The following PIK3C2G variants were observed in gnomAD, a reference collection of about 807,000 sequenced individuals.
PIK3C2G encodes phosphatidylinositol 3-kinase C2 domain-containing subunit gamma.
In PIK3C2G, 168 loss-of-function variants were observed where a neutral mutation model predicts 181.1. The ratio of observed to expected loss-of-function variants is 0.93; its 90% CI spans 0.82 to 1.05. The LOEUF (loss-of-function observed/expected upper bound fraction) is 1.05. Among genes scored for constraint, PIK3C2G ranks in the 50% least tolerant of loss-of-function variants. The pLI is 0.00. For synonymous variants in PIK3C2G, 573 were observed against 592.2 expected, an observed-to-expected ratio of 0.97 and a Z score of 0.47; for missense variants, 1,869 against 1,732.8, an observed-to-expected ratio of 1.08 and a Z score of -1.40.
At position 18,647,988 on chromosome 12, in the gene PIK3C2G, A is replaced by G; in HGVS notation, c.4421A>G (p.Asp1474Gly). 3 of 1,597,828 alleles carry G rather than the reference A, an allele frequency of 1.9e-6. No individual in the cohort carries two copies. The highest frequency in any genetic ancestry group is 1.1e-5 in the South Asian group (1 of 88,780). Residue 1474 changes from aspartate (D) to glycine (G), a missense_variant, in exon 33 of 33, where the codon GAT becomes GGT. Asp to Gly is a moderately conservative substitution (Grantham distance 94). Coordinates refer to ENST00000538779, the MANE Select transcript of PIK3C2G (RefSeq NM_001288772.2). ...ATCCGACTCTGTAGTGTCCCACTCG[A>G]TAAAGAAAAATGGTATCCATTAGGA... ...INIRLCSVPL[D>G]KEKWYPLGNS... is the part of the protein sequence containing the mutation.
chr12:18,489,866 G>C (rs1940394876), intron 19 of PIK3C2G, among the ~76,000 whole-genome samples: 1 of 151,842 alleles, frequency 6.6e-6, no homozygotes, highest in African/African-American at 2.4e-5. Flanking sequence ...TGCTTTTTTT[G>C]ATCATTCGCT....
At chr12:18,409,956 C>T (rs1944762960) in intron 16 of PIK3C2G, among the ~76,000 whole-genome samples, 1 of 152,028 alleles carries the variant, frequency 6.6e-6, no homozygotes, top group African/African-American at 2.4e-5. Flanking sequence ...CTTTAAACAA[C>T]CGGATATCAT....
intron 11 of PIK3C2G, among the ~76,000 whole-genome samples, chr12:18,347,616 C>T (rs1167879677): frequency 6.6e-6 from 1 of 152,034 alleles, no homozygotes; most frequent in Non-Finnish European, 1.5e-5. Context: ...TCAAAACCAG[C>T]CTGGACAAAA....
chr12:18,572,131 ACTT>A, intron 29 of PIK3C2G, among the ~76,000 whole-genome samples: 1 of 141,052 alleles, frequency 7.1e-6, no homozygotes, highest in African/African-American at 2.9e-5. Context: ...TATTTAACCC[ACTT>A]GTGTCTTATA....
At chr12:18,254,302 G>A (rs1006815636) in intron 1 of PIK3C2G, among the ~76,000 whole-genome samples, 1 of 151,904 alleles carries the variant, frequency 6.6e-6, no homozygotes, top group Non-Finnish European at 1.5e-5. Flanking sequence ...CATTTCCAGA[G>A]GTCCATCTAT....
At chr12:18,701,112 G>A in the PIK3C2G span, among the ~76,000 whole-genome samples, 16 of 151,812 alleles carry the variant, frequency 1.1e-4, no homozygotes, top group African/African-American at 2.9e-4. Flanking sequence ...AGCGTCACAA[G>A]TAGTTGGAAC....
the PIK3C2G span, among the ~76,000 whole-genome samples, chr12:18,706,185 T>C: frequency 6.6e-6 from 1 of 151,412 alleles, no homozygotes; most frequent in East Asian, 1.9e-4. Context: ...TGAGCCGAGA[T>C]TGCACCATTG....
intron 18 of PIK3C2G, among the ~76,000 whole-genome samples, chr12:18,460,988 A>G (rs904482790): frequency 6.6e-6 from 1 of 151,964 alleles, no homozygotes; most frequent in Admixed American, 6.5e-5. Flanking sequence ...AATGCTCAAA[A>G]CAAATTCCGG....
chr12:18,659,625 C>T, the PIK3C2G span, among the ~76,000 whole-genome samples: 2 of 150,876 alleles, frequency 1.3e-5, no homozygotes, highest in Non-Finnish European at 2.9e-5. Context: ...ACGTGTCAGG[C>T]CTCTTAAGTC....
At chr12:18,701,122 C>A in the PIK3C2G span, among the ~76,000 whole-genome samples, 1 of 151,862 alleles carries the variant, frequency 6.6e-6, no homozygotes, top group Non-Finnish European at 1.5e-5. Flanking sequence ...GTAGTTGGAA[C>A]TACAGGCATG....
At chr12:18,281,952 G>A (rs1949238416) in intron 1 of PIK3C2G, 52 bp from the exon 2 acceptor site, 2 of 631,024 alleles carry the variant, frequency 3.2e-6, no homozygotes, top group East Asian at 5.5e-5. Context: ...TGTCTTACAA[G>A]CTCTTTTCTT....
At chr12:18,545,709 A>G (rs1039844651) in intron 25 of PIK3C2G, among the ~76,000 whole-genome samples, 1 of 151,914 alleles carries the variant, frequency 6.6e-6, no homozygotes, top group Non-Finnish European at 1.5e-5. Flanking sequence ...CCATTTAAGT[A>G]GGGAAAATTG....
the PIK3C2G span, chr12:18,699,973 T>A: frequency 6.3e-7 from 1 of 1,596,642 alleles, no homozygotes; most frequent in East Asian, 2.2e-5. Context: ...TGCAGTAATT[T>A]TACATTTTTA....
Position 18,445,419 on chromosome 12 carries a change from A to AT in PIK3C2G, c.2504+21382dup, listed in dbSNP as rs1379047473. On this transcript the variant is annotated intron_variant, in intron 18 of 32. Coordinates refer to ENST00000538779, the MANE Select transcript of PIK3C2G (RefSeq NM_001288772.2). ...GCTTTCACCTATCAGATTGGCAAAA[A>AT]TTAAAAAAAAAAATTGGTGGCAGCC... Among the ~76,000 whole-genome samples, 239 of 139,564 alleles carry AT rather than the reference A, an allele frequency of 1.7e-3. 2 individuals carry two copies. The highest frequency in any genetic ancestry group is 6.5e-3 in the African/African-American group (234 of 36,074). 91.6% of individuals were successfully genotyped at this position (139,564 alleles called of 152,430 possible). A position where few individuals can be genotyped will look rare whatever the true frequency, so the allele number is the denominator to read the frequency against.
chr12:18,452,373 A>G (rs756663734), intron 18 of PIK3C2G, among the ~76,000 whole-genome samples: 10 of 152,016 alleles, frequency 6.6e-5, no homozygotes, highest in Non-Finnish European at 1.3e-4. Context: ...TGTTTATAGT[A>G]TTCTCTGGTG....
chr12:18,542,879 T>G (rs1944235107), intron 25 of PIK3C2G, among the ~76,000 whole-genome samples: 1 of 151,932 alleles, frequency 6.6e-6, no homozygotes, highest in African/African-American at 2.4e-5. Context: ...TTTGTGTTCA[T>G]GTGTCTTTAC....
chr12:18,388,035 C>T (rs1398651029), intron 14 of PIK3C2G, among the ~76,000 whole-genome samples: 1 of 152,108 alleles, frequency 6.6e-6, no homozygotes, highest in Admixed American at 6.6e-5. Flanking sequence ...TTATCGTCAG[C>T]GTTAGGAAGA....
chr12:18,309,371 G>T (rs1950549429), intron 5 of PIK3C2G, among the ~76,000 whole-genome samples: 2 of 151,610 alleles, frequency 1.3e-5, no homozygotes, highest in South Asian at 4.2e-4. Flanking sequence ...TATAAGTATT[G>T]GTTAGCCAGC....
At chr12:18,532,449 T>G (rs1336425054) in intron 24 of PIK3C2G, among the ~76,000 whole-genome samples, 1 of 152,160 alleles carries the variant, frequency 6.6e-6, no homozygotes, top group East Asian at 1.9e-4. Flanking sequence ...TTGTATAACT[T>G]TACATTTTAT....
Sources: allele counts gnomAD v4.1 joint callset (sites outside exome capture counted in the v4.1 genomes callset), GRCh38; gene constraint gnomAD v4.1.1; transcripts MANE v1.5; gene names NCBI Gene and HGNC (gene_info 2026-07-23, HGNC 2026-07-21).